RPAP2: variants seen among roughly 807,000 people sequenced by gnomAD.
RPAP2 encodes the protein RNA polymerase II associated protein 2, also known as putative RNA polymerase II subunit B1 CTD phosphatase RPAP2.
In RPAP2, 52 loss-of-function variants were observed where a neutral mutation model predicts 73.1. That is an observed-to-expected ratio of 0.71 (90% CI 0.57 to 0.90). RPAP2 has a LOEUF of 0.90. RPAP2 is among the 40% of genes least tolerant of loss of function. The pLI is 0.00. For synonymous variants in RPAP2, 225 were observed against 242.1 expected (o/e 0.93, Z 0.65); for missense variants, 598 against 701.8 (o/e 0.85, Z 1.67).
intron 11 of RPAP2, among the ~76,000 whole-genome samples, chr1:92,378,995 A>C (rs903297633): frequency 1.3e-5 from 2 of 152,228 alleles, no homozygotes; most frequent in Non-Finnish European, 2.9e-5. Flanking sequence ...CAGTCATCTC[A>C]TCTCCAGTTC....
rs931968900 is a variant in RPAP2 at position 92,389,916 on chromosome 1, T to C, written c.*2905T>C. ...TATGTGAAAAGACCAAATCTATGTT[T>C]GATTGGTGTACCTGAAAGTGATGGG... On this transcript the variant is annotated 3_prime_UTR_variant, in exon 13 of 13. Coordinates refer to ENST00000610020, the MANE Select transcript of RPAP2 (RefSeq NM_024813.3). 1 of 152,328 alleles carries C rather than the reference T, an allele frequency of 6.6e-6. No homozygotes were observed. Among genetic ancestry groups the C allele is most frequent in the Non-Finnish European group, 1.5e-5 (1 of 68,038 alleles). 9.4% of individuals were successfully genotyped at this position (152,328 alleles called of 1,614,324 possible). A position where few individuals can be genotyped will look rare whatever the true frequency, so the allele number is the denominator to read the frequency against.
At chr1:92,374,987 A>C (rs1432195343) in intron 11 of RPAP2, among the ~76,000 whole-genome samples, 1 of 152,128 alleles carries the variant, frequency 6.6e-6, no homozygotes, top group Non-Finnish European at 1.5e-5. Flanking sequence ...TTAATAAATA[A>C]ATAAAAATAA....
chr1:92,309,001 C>T (rs1053110799), intron 6 of RPAP2, among the ~76,000 whole-genome samples: 1 of 152,018 alleles, frequency 6.6e-6, no homozygotes, highest in Non-Finnish European at 1.5e-5. Flanking sequence ...AACAGGTCTT[C>T]CTGTAACCTT....
intron 9 of RPAP2, among the ~76,000 whole-genome samples, chr1:92,335,422 A>G (rs1240351968): frequency 6.6e-6 from 1 of 152,214 alleles, no homozygotes; most frequent in Non-Finnish European, 1.5e-5. Flanking sequence ...TACTTTAGAA[A>G]ATGAGGCAGT....
chr1:92,318,431 A>G (rs1652053703), intron 6 of RPAP2, among the ~76,000 whole-genome samples: 2 of 152,190 alleles, frequency 1.3e-5, no homozygotes, highest in Admixed American at 1.3e-4. Context: ...CTGATATCCA[A>G]GCCTACATTC....
chr1:92,368,196 C>T (rs147913792), intron 11 of RPAP2, among the ~76,000 whole-genome samples: 3,027 of 152,126 alleles, frequency 0.02, 96 homozygotes, highest in African/African-American at 0.067. Context: ...CTGGCCAACA[C>T]GCTGAAACCC....
chr1:92,305,970 C>T (rs1215690459), intron 5 of RPAP2, among the ~76,000 whole-genome samples: 1 of 152,012 alleles, frequency 6.6e-6, no homozygotes, highest in Non-Finnish European at 1.5e-5. Flanking sequence ...ACATGTACAC[C>T]AGCATGTATG....
chr1:92,367,024 C>A (rs915285384), intron 11 of RPAP2, among the ~76,000 whole-genome samples: 2 of 152,138 alleles, frequency 1.3e-5, no homozygotes, highest in Admixed American at 6.5e-5. Context: ...TACTGCCATG[C>A]AGGAAGAAAA....
intron 10 of RPAP2, among the ~76,000 whole-genome samples, chr1:92,340,251 A>G (rs111721251): frequency 0.012 from 1,826 of 152,306 alleles, 34 homozygotes; most frequent in African/African-American, 0.042. Flanking sequence ...TCCTTCAGAA[A>G]AGTGTCAGTT....
intron 3 of RPAP2, among the ~76,000 whole-genome samples, chr1:92,303,340 T>G (rs1650992258): frequency 1.3e-5 from 2 of 152,230 alleles, no homozygotes; most frequent in South Asian, 4.1e-4. Context: ...TAAAAAGTAT[T>G]TCTGTCTCTG....
At chr1:92,304,414 G>T in intron 5 of RPAP2, 65 bp downstream of exon 5, 1 of 816,172 alleles carries the variant, frequency 1.2e-6, no homozygotes, top group South Asian at 1.9e-5. Context: ...ATCCTAACAA[G>T]GCATGGCAAT....
chr1:92,303,364 A>G (rs1009882121), intron 3 of RPAP2, among the ~76,000 whole-genome samples: 1 of 152,186 alleles, frequency 6.6e-6, no homozygotes. Context: ...AAACAGAAAA[A>G]CTTGTTAAAA....
chr1:92,371,042 C>T (rs1415265458), intron 11 of RPAP2, among the ~76,000 whole-genome samples: 1 of 152,112 alleles, frequency 6.6e-6, no homozygotes, highest in Non-Finnish European at 1.5e-5. Flanking sequence ...CACTGTGGCT[C>T]ATGCCTGTAA....
intron 11 of RPAP2, among the ~76,000 whole-genome samples, chr1:92,379,615 G>A (rs1655533230): frequency 1.3e-5 from 2 of 152,134 alleles, no homozygotes; most frequent in South Asian, 2.1e-4. Flanking sequence ...CTTACAAGAC[G>A]TAATTCATTT....
chr1:92,326,908 C>T (rs1461504348), intron 8 of RPAP2, among the ~76,000 whole-genome samples: 2 of 152,234 alleles, frequency 1.3e-5, no homozygotes, highest in Non-Finnish European at 2.9e-5. Context: ...AGGGCTTTCA[C>T]ATCTCCCAGC....
intron 3 of RPAP2, 72 bp downstream of exon 3, chr1:92,301,662 T>C: frequency 1.8e-6 from 1 of 570,420 alleles, no homozygotes; most frequent in East Asian, 3.2e-5. Context: ...TGAAACTTCT[T>C]TGCATTATTA....
At chr1:92,378,981 A>G (rs1438753053) in intron 11 of RPAP2, among the ~76,000 whole-genome samples, 1 of 152,212 alleles carries the variant, frequency 6.6e-6, no homozygotes, top group East Asian at 1.9e-4. Flanking sequence ...TCATTGGACT[A>G]TTGCAGTCAT....
chr1:92,330,361 A>G (rs1293280712), intron 8 of RPAP2, among the ~76,000 whole-genome samples: 4 of 151,894 alleles, frequency 2.6e-5, no homozygotes, highest in Non-Finnish European at 4.4e-5. Flanking sequence ...TGTGTCTAAA[A>G]TTAATGTTAG....
At chr1:92,369,491 G>A (rs1048246432) in intron 11 of RPAP2, among the ~76,000 whole-genome samples, 5 of 152,148 alleles carry the variant, frequency 3.3e-5, no homozygotes, top group Admixed American at 3.3e-4. Flanking sequence ...TTTTAGTAGA[G>A]ATGGGATCTT....
Sources: gnomAD v4.1 joint callset for allele counts (sites outside exome capture counted in the v4.1 genomes callset) on GRCh38, gnomAD v4.1.1 for gene constraint, MANE v1.5 for transcripts, NCBI Gene and HGNC (gene_info 2026-07-23, HGNC 2026-07-21) for gene names.